Variants in CNBD1 observed in about 807,000 individuals in gnomAD.
CNBD1 encodes cyclic nucleotide binding domain containing 1, also known as cyclic nucleotide-binding domain-containing protein 1.
CNBD1 carries 71 observed loss-of-function variants against 54.4 expected under a neutral mutation model. The ratio of observed to expected loss-of-function variants is 1.30; its 90% CI spans 1.08 to 1.59. The LOEUF is 1.59. Ranked by LOEUF, CNBD1 falls within the 40% of genes most tolerant of loss-of-function variation. CNBD1 has a pLI of 0.00. For synonymous variants in CNBD1, 182 were observed against 170.7 expected, an observed-to-expected ratio of 1.07 and a Z score of -0.51; for missense variants, 659 against 518.0, an observed-to-expected ratio of 1.27 and a Z score of -2.64.
intron 9 of CNBD1, among the ~76,000 whole-genome samples, chr8:87,352,076 G>A (rs2047156213): frequency 1.3e-5 from 2 of 152,044 alleles, no homozygotes; most frequent in African/African-American, 4.8e-5. Flanking sequence ...CCATAGCCAG[G>A]TACTACTACA....
At chr8:87,291,155 G>T (rs992727515) in intron 8 of CNBD1, among the ~76,000 whole-genome samples, 1 of 152,134 alleles carries the variant, frequency 6.6e-6, no homozygotes, top group African/African-American at 2.4e-5. Flanking sequence ...AAGGACATTT[G>T]TATCTGGGCC....
chr8:87,264,670 G>C lies in CNBD1; in HGVS notation c.772-20008G>C, dbSNP rs551503900. 5.9e-5 allele frequency among the ~76,000 whole-genome samples: 9 copies of C among 152,188 alleles called. No homozygotes were observed. The East Asian group carries it at 1.7e-3, about 29-fold the overall frequency. On this transcript the variant is annotated intron_variant, in intron 6 of 10. Coordinates refer to ENST00000518476, the MANE Select transcript of CNBD1 (RefSeq NM_173538.3). ...TCCTCTCCAGCACCTGTTGTTTCCT[G>C]ACTTTTTAGTGATCGCCATTCTAAC...
At chr8:87,310,313 C>G (rs1334999710) in intron 8 of CNBD1, among the ~76,000 whole-genome samples, 1 of 152,086 alleles carries the variant, frequency 6.6e-6, no homozygotes, top group African/African-American at 2.4e-5. Context: ...TGTGATCATG[C>G]CACTGCACTC....
intron 4 of CNBD1, among the ~76,000 whole-genome samples, chr8:87,122,615 ACCAATGTCATTTAGCATTCCAGG>A (rs912340131): frequency 1.3e-5 from 2 of 151,822 alleles, no homozygotes; most frequent in Admixed American, 6.6e-5. Flanking sequence ...TGTTGCCCAG[ACCAATGTCATTTAGCATTCCAGG>A]CCAATGTCAT....
At chr8:87,193,661 A>G (rs1431763) in intron 4 of CNBD1, among the ~76,000 whole-genome samples, 68,596 of 151,982 alleles carry the variant, frequency 0.45, 15,976 homozygotes, top group Admixed American at 0.52. Flanking sequence ...CTTGTAATCA[A>G]GATATTCCTG....
chr8:86,985,022 G>C (rs1427186898), intron 4 of CNBD1, among the ~76,000 whole-genome samples: 1 of 152,138 alleles, frequency 6.6e-6, no homozygotes. Flanking sequence ...CCCACATGTT[G>C]TGGGAGGGAT....
At chr8:87,201,618 A>G (rs1813863559) in intron 4 of CNBD1, among the ~76,000 whole-genome samples, 1 of 152,228 alleles carries the variant, frequency 6.6e-6, no homozygotes. Context: ...AAAACCATTT[A>G]GAATACCCTC....
chr8:87,406,447 TACACAC>T (rs36222951), intron 2 of CNBD1, among the ~76,000 whole-genome samples: 33,848 of 122,042 alleles, frequency 0.28, 5,350 homozygotes, highest in Middle Eastern at 0.39. Context: ...TATGTGTGTA[TACACAC>T]ACACACACAC....
chr8:87,202,002 G>A (rs1813873967), intron 4 of CNBD1, among the ~76,000 whole-genome samples: 1 of 152,030 alleles, frequency 6.6e-6, no homozygotes, highest in East Asian at 1.9e-4. Flanking sequence ...TAGAAGTTCA[G>A]CATTTAAAAT....
intron 4 of CNBD1, among the ~76,000 whole-genome samples, chr8:87,006,599 G>T (rs558739890): frequency 6.6e-6 from 1 of 152,032 alleles, no homozygotes; most frequent in Non-Finnish European, 1.5e-5. Context: ...GAGAGAGTAG[G>T]GGGTAAGAGA....
At chr8:86,940,837 T>G (rs1809642619) in intron 4 of CNBD1, among the ~76,000 whole-genome samples, 1 of 152,202 alleles carries the variant, frequency 6.6e-6, no homozygotes, top group Non-Finnish European at 1.5e-5. Context: ...AAGAATGAAC[T>G]TTTTCTTTGT....
chr8:87,242,357 A>G (rs1807725274), intron 6 of CNBD1, among the ~76,000 whole-genome samples: 1 of 152,126 alleles, frequency 6.6e-6, no homozygotes, highest in Non-Finnish European at 1.5e-5. Flanking sequence ...GATATGAAAC[A>G]TTTACAATCT....
chr8:87,345,252 G>C (rs1586033031), intron 8 of CNBD1, among the ~76,000 whole-genome samples: 1 of 152,116 alleles, frequency 6.6e-6, no homozygotes, highest in African/African-American at 2.4e-5. Context: ...ATTCAACATA[G>C]TGCTAGAAAA....
intron 6 of CNBD1, among the ~76,000 whole-genome samples, chr8:87,275,704 T>G (rs1418200634): frequency 1.3e-5 from 2 of 151,668 alleles, no homozygotes; most frequent in Non-Finnish European, 2.9e-5. Context: ...TTCAACATAG[T>G]GTTGGAAATT....
chr8:87,268,613 A>C (rs1021903062), intron 6 of CNBD1, among the ~76,000 whole-genome samples: 2 of 152,062 alleles, frequency 1.3e-5, no homozygotes, highest in Non-Finnish European at 2.9e-5. Flanking sequence ...ATGACTTTTT[A>C]ATAATAGCCA....
At chr8:87,162,277 A>G (rs146984016) in intron 4 of CNBD1, among the ~76,000 whole-genome samples, 1 of 152,216 alleles carries the variant, frequency 6.6e-6, no homozygotes, top group Admixed American at 6.6e-5. Context: ...ATGATAAATG[A>G]TTGTACATTG....
intron 4 of CNBD1, 70 bp from the exon 5 acceptor site, chr8:87,205,923 A>G (rs1813962224): frequency 4.1e-6 from 5 of 1,224,072 alleles, no homozygotes; most frequent in Middle Eastern, 2.4e-4. Context: ...AAACTTAAAA[A>G]TTAAGGATCT....
chr8:87,265,354 G>A (rs1046601398), intron 6 of CNBD1, among the ~76,000 whole-genome samples: 2 of 152,042 alleles, frequency 1.3e-5, no homozygotes, highest in Admixed American at 6.6e-5. Flanking sequence ...TGTCCCACTG[G>A]TCTATATCTC....
intron 4 of CNBD1, among the ~76,000 whole-genome samples, chr8:87,034,304 A>G (rs1015789425): frequency 6.6e-6 from 1 of 152,228 alleles, no homozygotes; most frequent in African/African-American, 2.4e-5. Context: ...AAACATGAAA[A>G]ATGTGCAAGA....
Sources: gnomAD v4.1 joint callset for allele counts (sites outside exome capture counted in the v4.1 genomes callset) on GRCh38, gnomAD v4.1.1 for gene constraint, MANE v1.5 for transcripts, NCBI Gene and HGNC (gene_info 2026-07-23, HGNC 2026-07-21) for gene names.